Variants in ASNS observed in about 807,000 individuals in gnomAD.
ASNS encodes asparagine synthetase [glutamine-hydrolyzing].
Under a neutral mutation model 62.6 loss-of-function variants are expected in ASNS, and 37 were observed. The ratio of observed to expected loss-of-function variants is 0.59; its 90% CI spans 0.45 to 0.78. The LOEUF (loss-of-function observed/expected upper bound fraction) is 0.78, where lower values mean the gene tolerates loss of function less well. ASNS is among the 30% of genes least tolerant of loss of function. The probability of loss-of-function intolerance (pLI) is 0.00; values close to 1 mark genes in which losing one functional copy is unlikely to be tolerated. For missense variants in ASNS, 520 were observed against 682.4 expected (o/e 0.76, Z 2.65); for synonymous variants, 207 against 237.9 (o/e 0.87, Z 1.19).
chr7:97,913,244 T>C, the ASNS span: 1 of 152,350 alleles, frequency 6.6e-6, no homozygotes, highest in Non-Finnish European at 1.5e-5. Context: ...AACTCTGCCA[T>C]GGGTGCCAGG....
chr7:97,864,463 T>C lies in ASNS; in HGVS notation c.283A>G (p.Lys95Glu), dbSNP rs1791869276. Residue 95 changes from lysine (K) to glutamate (E), a missense_variant, in exon 4 of 13, where the codon AAA becomes GAA. Coordinates refer to ENST00000394308, the MANE Select transcript of ASNS (RefSeq NM_001673.5). ...QQHFEFEYQT[K>E]VDGEIILHLY... ...TGAAGGATTATCTCACCATCCACTT[T>C]GGTCTGGTATTCAAATTCAAAATGC... 3 of 1,613,906 alleles carry C rather than the reference T, an allele frequency of 1.9e-6. No homozygotes were observed. The highest frequency in any genetic ancestry group is 2.5e-6 in the Non-Finnish European group (3 of 1,179,868).
chr7:97,896,707 T>TACACAC, the ASNS span, among the ~76,000 whole-genome samples: 2 of 27,688 alleles, frequency 7.2e-5, no homozygotes, highest in Non-Finnish European at 1.4e-4. Flanking sequence ...TATGTGTATA[T>TACACAC]ATATACACAC....
chr7:97,918,279 C>T, the ASNS span, among the ~76,000 whole-genome samples: 1 of 152,192 alleles, frequency 6.6e-6, no homozygotes, highest in South Asian at 2.1e-4. Flanking sequence ...GAATTTTGCA[C>T]AGGATGCAAA....
the ASNS span, among the ~76,000 whole-genome samples, chr7:97,895,091 C>G: frequency 6.6e-6 from 1 of 152,236 alleles, no homozygotes; most frequent in African/African-American, 2.4e-5. Context: ...ACATGTGATA[C>G]ATCACATCAA....
chr7:97,891,200 A>G, the ASNS span, among the ~76,000 whole-genome samples: 1 of 152,202 alleles, frequency 6.6e-6, no homozygotes, highest in Non-Finnish European at 1.5e-5. Context: ...TCAAAGATAG[A>G]GCTTCTGCAG....
intron 3 of ASNS, among the ~76,000 whole-genome samples, chr7:97,868,519 ATG>A (rs61611439): frequency 2.6e-4 from 32 of 122,948 alleles, no homozygotes; most frequent in African/African-American, 4.5e-4. Flanking sequence ...CAGCAAAAAC[ATG>A]TGTGTGTGTG....
rs2115661567 is a variant in ASNS at position 97,859,414 on chromosome 7, G to C, written c.488-16C>G. On this transcript the variant is annotated splice_polypyrimidine_tract_variant and intron_variant, in intron 4 of 12. Transcript: ENST00000394308. Reference sequence around the variant, plus strand: ...GTAACAAGACCTAGAAATTCACAATGATACCTTTATTCAAATTAGGTAACC... The same window carrying C: ...GTAACAAGACCTAGAAATTCACAATCATACCTTTATTCAAATTAGGTAACC... 6.3e-7 allele frequency: 1 copy of C among 1,587,152 alleles called. No homozygotes were observed. The highest frequency in any genetic ancestry group is 8.6e-7 in the Non-Finnish European group (1 of 1,165,442).
upstream of ASNS, among the ~76,000 whole-genome samples, chr7:97,875,083 C>T (rs543564537): frequency 4.7e-3 from 718 of 152,296 alleles, 4 homozygotes; most frequent in Non-Finnish European, 8.2e-3. Context: ...CCCTAGCGGT[C>T]AGGATGATTT....
chr7:97,864,330 G>A lies in ASNS; in HGVS notation c.416C>T (p.Thr139Ile), dbSNP rs200186268. 5.6e-6 allele frequency: 9 copies of A among 1,613,736 alleles called. No homozygotes were observed. The East Asian group carries it at 1.8e-4, about 32-fold the overall frequency. Residue 139 changes from threonine to isoleucine, a missense_variant, in exon 4 of 13, where the codon ACA (threonine) becomes ATA (isoleucine). Transcript: ENST00000394308. ...TTTAAACAAAGGTCTGACTCCATAT[G>A]TATCTCTACCCAGGAACACTTTCTT... ...ANKKVFLGRDTYGVRPLFKAM... is the reference protein window; with the variant it reads ...ANKKVFLGRDIYGVRPLFKAM...
chr7:97,913,901 G>A, the ASNS span, among the ~76,000 whole-genome samples: 1 of 151,098 alleles, frequency 6.6e-6, no homozygotes. Flanking sequence ...AGTCGGTGAA[G>A]GGATGGCTGA....
the ASNS span, among the ~76,000 whole-genome samples, chr7:97,918,017 T>A: frequency 0.042 from 6,426 of 151,606 alleles, 315 homozygotes; most frequent in African/African-American, 0.11. Flanking sequence ...ATTGCCAGGA[T>A]TGTTTGAGAA....
chr7:97,905,643 T>C, the ASNS span, among the ~76,000 whole-genome samples: 51 of 152,318 alleles, frequency 3.3e-4, no homozygotes, highest in Admixed American at 7.8e-4. Flanking sequence ...TCACTGTATC[T>C]TGACCCTCTT....
At chr7:97,876,570 G>T (rs1419571940), upstream of ASNS, among the ~76,000 whole-genome samples, 1 of 151,608 alleles carries the variant, frequency 6.6e-6, no homozygotes, top group East Asian at 1.9e-4. Context: ...TGGGATTACA[G>T]GTGCCTGCTA....
chr7:97,878,066 G>A, the ASNS span, among the ~76,000 whole-genome samples: 2 of 152,216 alleles, frequency 1.3e-5, no homozygotes, highest in Non-Finnish European at 2.9e-5. Flanking sequence ...GGCGTAGGAT[G>A]CAGGAGGCTG....
chr7:97,928,351 G>C, the ASNS span: 5 of 1,106,828 alleles, frequency 4.5e-6, no homozygotes, highest in African/African-American at 1.6e-5. Flanking sequence ...GGCGCAAGCG[G>C]CCTCTCGGCG....
chr7:97,877,252 G>A (rs1264481450), upstream of ASNS, among the ~76,000 whole-genome samples: 3 of 151,920 alleles, frequency 2.0e-5, no homozygotes, highest in East Asian at 1.9e-4. Context: ...GTGCCACCAC[G>A]CCTGGCTAAT....
chr7:97,924,980 T>C, the ASNS span, among the ~76,000 whole-genome samples: 1 of 151,960 alleles, frequency 6.6e-6, no homozygotes, highest in Non-Finnish European at 1.5e-5. Context: ...CTACTAAAAA[T>C]ACAAAAATTA....
rs752429609 is a variant in ASNS, at chr7:97,853,302, T to C, written c.1320+3A>G. On this transcript the variant is annotated splice_donor_region_variant and intron_variant, in intron 11 of 12. Transcript: ENST00000394308. ...CAGTTTTACCTTGAGTTGATTTACC[T>C]ACCTTTGGAATTCTCATTTCTGGTG... 1 of 1,613,810 alleles carries C rather than the reference T, an allele frequency of 6.2e-7. No homozygotes were observed. Among genetic ancestry groups the C allele is most frequent in the Non-Finnish European group, 8.5e-7 (1 of 1,179,872 alleles).
the ASNS span, chr7:97,928,023 G>A: frequency 3.0e-6 from 2 of 675,098 alleles, no homozygotes; most frequent in Non-Finnish European, 5.0e-6. Context: ...CCCCTACCCC[G>A]CGTCCCCAGC....
Sources: allele counts gnomAD v4.1 joint callset (sites outside exome capture counted in the v4.1 genomes callset), GRCh38; gene constraint gnomAD v4.1.1; transcripts MANE v1.5; gene names NCBI Gene and HGNC (gene_info 2026-07-23, HGNC 2026-07-21).